Variants in SRCAP observed in about 807,000 individuals in gnomAD.
SRCAP encodes Snf2 related CREBBP activator protein.
A neutral mutation model predicts 263.1 loss-of-function variants in SRCAP; 46 were observed. The observed-to-expected ratio is 0.17, with a 90% CI of 0.14 to 0.22. The LOEUF (loss-of-function observed/expected upper bound fraction) is 0.22, where lower values mean the gene tolerates loss of function less well. Ranked by LOEUF, SRCAP falls within the 10% of genes least tolerant of loss-of-function variation. The pLI is 1.00. For synonymous variants in SRCAP, 1,813 were observed against 1,662.1 expected (o/e 1.09, Z -2.21); for missense variants, 3,695 against 4,181.9 (o/e 0.88, Z 3.21).
chr16:30,724,355 C>T lies in SRCAP; in HGVS notation c.4931C>T (p.Ser1644Leu), dbSNP rs1301679006. The change falls in exon 25 of 34, where the codon TCA becomes TTA. Residue 1644 changes from serine to leucine, a missense_variant. Around this residue, in one of 12 missense-constraint regions of SRCAP, gnomAD observed 1,347 missense variants for 1,304.4 expected, o/e 1.03. Transcript: ENST00000262518. The part of the protein sequence containing the change: ...PSSTPGTSLA[S>L]ASPVPAPTPV... ...TCTACTCCAGGAACCTCTTTAGCCT[C>T]AGCTTCACCGGTACCAGCTCCAACC... 4.3e-6 allele frequency: 7 copies of T among 1,614,092 alleles called. No individual in the cohort carries two copies. The highest frequency in any genetic ancestry group is 5.9e-6 in the Non-Finnish European group (7 of 1,180,052).
chr16:30,711,145 C>T, intron 10 of SRCAP, 57 bp downstream of exon 10: 1 of 1,393,356 alleles, frequency 7.2e-7, no homozygotes, highest in Non-Finnish European at 1.0e-6. Flanking sequence ...GTGTGCAGTA[C>T]CAAGGATAAA....
chr16:30,738,278 G>A lies in SRCAP; in HGVS notation c.8238G>A (p.Val2746=), dbSNP rs2053180741. 1.2e-6 allele frequency: 2 copies of A among 1,604,500 alleles called. No homozygotes were observed. The highest frequency in any genetic ancestry group is 1.7e-6 in the Non-Finnish European group (2 of 1,174,626). ...CAGGACAACCACCAGGCCCCAAAGT[G>A]CTTCGAAAGCTGCCAGGACGGCTGG... ...GRPGQPPGPK[V]LRKLPGRLVT... Residue 2746 remains valine, a synonymous_variant, in exon 34 of 34, where the codon GTG becomes GTA. Transcript: ENST00000262518.
At position 30,736,233 on chromosome 16, in the gene SRCAP, C is replaced by T. The variant is rs765300730; in HGVS notation, c.6763C>T (p.Arg2255Cys). The change falls in exon 32 of 34, where the codon CGT becomes TGT. Residue 2255 changes from arginine to cysteine, a missense_variant. Physicochemically the swap from Arg to Cys is radical, Grantham distance 180. This residue lies in a region of SRCAP where 91 missense variants were observed against 150.6 expected (regional missense o/e 0.60). Transcript: ENST00000262518. ...TCGGGCAGAAGATGAAGAGGATATC[C>T]GTGCAGCCACCCAGGCCAAGGCTGA... ...LCRAEDEEDI[R>C]AATQAKAEQV... The T allele has an allele frequency of 4.3e-6, 7 of 1,614,076 alleles. No homozygotes were observed. The highest frequency in any genetic ancestry group is 1.3e-5 in the African/African-American group (1 of 75,016).
At chr16:30,715,032 A>T (rs1434792721) in intron 16 of SRCAP, among the ~76,000 whole-genome samples, 4 of 150,686 alleles carry the variant, frequency 2.7e-5, no homozygotes, top group Non-Finnish European at 5.9e-5. Flanking sequence ...TGCATATCTC[A>T]CAGGCCTACT....
intron 24 of SRCAP, 126 bp downstream of exon 24, chr16:30,723,355 CCCCAGAACTGGGCTGCCTGAG>C (rs2053030200): frequency 6.9e-7 from 1 of 1,438,924 alleles, no homozygotes; most frequent in South Asian, 1.4e-5. Context: ...TTGTAGTGGG[CCCCAGAACTGGGCTGCCTGAG>C]CCCTGACCTA....
rs2053004391 is a variant in SRCAP, at chr16:30,720,848, C to T, written c.3123C>T (p.Val1041=). The part of the protein sequence containing the change: ...ELSAQPTPGP[V]PQVLPASLMV... The stretch of plus-strand genomic sequence containing the variant: ...CAGCCCAGCCCACCCCTGGCCCAGT[C>T]CCCCAAGTGCTGCCAGCATCACTGA... Residue 1041 remains valine (V), a synonymous_variant, in exon 20 of 34, where the codon GTC becomes GTT. Transcript: ENST00000262518. 1.9e-6 allele frequency: 3 copies of T among 1,613,862 alleles called. No homozygotes were observed. The highest frequency in any genetic ancestry group is 1.1e-5 in the South Asian group (1 of 91,088).
In SRCAP at chr16:30,723,858, A is replaced by C; in HGVS notation, c.4434A>C (p.Pro1478=). The change falls in exon 25 of 34, where the codon CCA becomes CCC. Residue 1478 remains proline, a synonymous_variant. Transcript: ENST00000262518. The part of the protein sequence containing the change: ...SGPALLTSVT[P]PLAPVVPAAP... The stretch of plus-strand genomic sequence containing the variant: ...CAGCTCTGTTGACCAGTGTGACTCC[A>C]CCATTGGCACCTGTTGTCCCAGCGG... The C allele has an allele frequency of 6.2e-7, 1 of 1,613,722 alleles. No homozygotes were observed. Among genetic ancestry groups the C allele is most frequent in the Non-Finnish European group, 8.5e-7 (1 of 1,179,950 alleles).
Position 30,711,748 on chromosome 16 carries a change from A to T in SRCAP, c.1492+4A>T, listed in dbSNP as rs2052894861. The T allele has an allele frequency of 2.5e-6, 4 of 1,611,898 alleles. No individual in the cohort carries two copies. Among genetic ancestry groups the T allele is most frequent in the Non-Finnish European group, 3.4e-6 (4 of 1,178,542 alleles). On this transcript the variant is annotated splice_donor_region_variant and intron_variant, in intron 11 of 33. Transcript: ENST00000262518. ...GAGGATAGTAGCAGTCAGTCAGGTG[A>T]ATATGTGGTCATGAAGCAGGAGCTG...
At chr16:30,715,223 T>C (rs1338479245) in intron 16 of SRCAP, among the ~76,000 whole-genome samples, 2 of 152,256 alleles carry the variant, frequency 1.3e-5, no homozygotes, top group Non-Finnish European at 2.9e-5. Context: ...TAGCCTGTTA[T>C]TTCTACTTCA....
At position 30,722,554 on chromosome 16, in the gene SRCAP, T is replaced by G. The variant is rs1390669646; in HGVS notation, c.3707-9T>G. ...CTTCTCTCTCTCTTTCTCTCTTCCC[T>G]TAACCCAGGGAATGTGGTGCACCTC... is the stretch of plus-strand genomic sequence containing the variant. On this transcript the variant is annotated splice_polypyrimidine_tract_variant and intron_variant, in intron 22 of 33. Transcript: ENST00000262518. 1 of 1,613,784 alleles carries G rather than the reference T, an allele frequency of 6.2e-7. No homozygotes were observed. Among genetic ancestry groups the G allele is most frequent in the East Asian group, 2.2e-5 (1 of 44,886 alleles).
intron 18 of SRCAP, 55 bp from the exon 19 acceptor site, chr16:30,720,107 T>A: frequency 1.3e-6 from 2 of 1,565,686 alleles, no homozygotes; most frequent in Non-Finnish European, 1.7e-6. Context: ...ACATCTGCGT[T>A]GCAAAGGATG....
chr16:30,721,545 A>G (rs2053012015), intron 21 of SRCAP, 69 bp downstream of exon 21: 10 of 1,544,710 alleles, frequency 6.5e-6, no homozygotes, highest in South Asian at 6.0e-5. Context: ...GAGAGCATCA[A>G]ATTTTAGGCA....
chr16:30,722,243 C>A lies in SRCAP; in HGVS notation c.3663C>A (p.Ala1221=). Residue 1221 remains alanine (A), a synonymous_variant, in exon 22 of 34, where the codon GCC becomes GCA. Coordinates refer to ENST00000262518, the MANE Select transcript of SRCAP (RefSeq NM_006662.3). ...GCAACAAGCTGACTTTGACTGGTGCCCAGGTGCGCCAGCTTGCTGTGGGGC... is the reference window on the plus strand; with the variant it reads ...GCAACAAGCTGACTTTGACTGGTGCACAGGTGCGCCAGCTTGCTGTGGGGC... ...IQGNKLTLTG[A]QVRQLAVGQP... 1 of 1,614,150 alleles carries A rather than the reference C, an allele frequency of 6.2e-7. No homozygotes were observed. Among genetic ancestry groups the A allele is most frequent in the East Asian group, 2.2e-5 (1 of 44,882 alleles).
chr16:30,709,794 A>C, intron 7 of SRCAP, 57 bp from the exon 8 acceptor site: 4 of 1,612,268 alleles, frequency 2.5e-6, no homozygotes, highest in Non-Finnish European at 3.4e-6. Flanking sequence ...GAGCTGAAAA[A>C]CCCACCCTGT....
In SRCAP at chr16:30,709,510, C is replaced by T; in HGVS notation, c.634-3C>T. On this transcript the variant is annotated splice_region_variant and splice_polypyrimidine_tract_variant and intron_variant, in intron 6 of 33. Transcript: ENST00000262518. ...TGAGCAGTCCCTTTCACATCTGTGG[C>T]AGGTGGTGCAATTCAAGCAACAGTC... The T allele has an allele frequency of 6.2e-7, 1 of 1,614,046 alleles. No individual in the cohort carries two copies. The highest frequency in any genetic ancestry group is 8.5e-7 in the Non-Finnish European group (1 of 1,179,948).
chr16:30,732,451 CAA>C (rs753314352), intron 27 of SRCAP, among the ~76,000 whole-genome samples: 31 of 112,860 alleles, frequency 2.7e-4, no homozygotes, highest in East Asian at 2.2e-3. Context: ...AACTCTGTCT[CAA>C]AAAAAAAAAA....
rs993210119 is a variant in SRCAP, at chr16:30,724,664, C to G, written c.5240C>G (p.Ser1747Cys). The G allele has an allele frequency of 3.7e-6, 6 of 1,614,034 alleles. No individual in the cohort carries two copies. Among genetic ancestry groups the G allele is most frequent in the Non-Finnish European group, 5.1e-6 (6 of 1,180,036 alleles). ...GPPLGPTQTL[S>C]LAPAPPLAPA... ...CCACTGGGTCCAACTCAGACGCTGT[C>G]TCTGGCTCCAGCACCCCCTCTGGCT... The change falls in exon 25 of 34, where the codon TCT (serine) becomes TGT (cysteine). Residue 1747 changes from serine to cysteine, a missense_variant. By Grantham distance (112) the Ser-to-Cys change is moderately radical (BLOSUM62 -1). This residue lies in a region of SRCAP where 1,347 missense variants were observed against 1,304.4 expected (regional missense o/e 1.03). Coordinates refer to ENST00000262518, the MANE Select transcript of SRCAP (RefSeq NM_006662.3).
rs2151287494 is a variant in SRCAP, at chr16:30,709,851, A to G, written c.857A>G (p.Asp286Gly). 1 of 1,614,066 alleles carries G rather than the reference A, an allele frequency of 6.2e-7. No homozygotes were observed. The highest frequency in any genetic ancestry group is 1.3e-5 in the African/African-American group (1 of 75,012). ...PPPASRLDDE[D>G]GDFQPQEDEE... is the part of the protein sequence containing the mutation. ...TTGTGACCTTGTTCTCCTGCTATAGATGGGGACTTTCAACCCCAAGAGGAT... is the reference window on the plus strand; with the variant it reads ...TTGTGACCTTGTTCTCCTGCTATAGGTGGGGACTTTCAACCCCAAGAGGAT... Residue 286 changes from aspartate to glycine, a missense_variant and splice_region_variant, in exon 8 of 34, where the codon GAT (aspartate) becomes GGT (glycine). Physicochemically the swap from Asp to Gly is moderately conservative, Grantham distance 94. Transcript: ENST00000262518.
In SRCAP at chr16:30,737,154, T is replaced by C. The variant is rs572129697; in HGVS notation, c.7114T>C (p.Cys2372Arg). 184 of 1,614,010 alleles carry C rather than the reference T, an allele frequency of 1.1e-4. 1 individual carries two copies. In the South Asian group the frequency reaches 1.9e-3, roughly 17 times the overall value. The change falls in exon 34 of 34, where the codon TGT becomes CGT. Residue 2372 changes from cysteine to arginine, a missense_variant. Physicochemically the swap from Cys to Arg is radical, Grantham distance 180. This residue lies in a region of SRCAP where 1,207 missense variants were observed against 1,142.9 expected (regional missense o/e 1.06). Coordinates refer to ENST00000262518, the MANE Select transcript of SRCAP (RefSeq NM_006662.3). Reference protein sequence around the residue: ...EGPGAGDESSCGTGGGTHRRS... With the variant: ...EGPGAGDESSRGTGGGTHRRS... ...GCCGGGGGCTGGGGATGAGAGTTCCTGTGGGACTGGTGGAGGCACCCACCG... is the reference window on the plus strand; with the variant it reads ...GCCGGGGGCTGGGGATGAGAGTTCCCGTGGGACTGGTGGAGGCACCCACCG...
Sources: allele counts gnomAD v4.1 joint callset (sites outside exome capture counted in the v4.1 genomes callset), GRCh38; gene constraint gnomAD v4.1.1; regional missense constraint gnomAD v4.1.1; transcripts MANE v1.5; gene names NCBI Gene and HGNC (gene_info 2026-07-23, HGNC 2026-07-21).